The following NKAIN3 variants were observed in gnomAD, a reference collection of about 807,000 sequenced individuals.
The protein encoded by NKAIN3 is sodium/potassium-transporting ATPase subunit beta-1-interacting protein 3.
A neutral mutation model predicts 30.2 loss-of-function variants in NKAIN3; 25 were observed. The observed-to-expected ratio is 0.83, with a 90% CI of 0.60 to 1.16. The LOEUF is 1.16. NKAIN3 is among the 50% of genes most tolerant of loss of function. The pLI is 0.00. For synonymous variants in NKAIN3, 91 were observed against 89.6 expected, an observed-to-expected ratio of 1.02 and a Z score of -0.09; for missense variants, 225 against 254.1, an observed-to-expected ratio of 0.89 and a Z score of 0.78.
chr8:62,562,485 G>A (rs189321851), intron 1 of NKAIN3, among the ~76,000 whole-genome samples: 60 of 152,196 alleles, frequency 3.9e-4, no homozygotes, highest in African/African-American at 1.2e-3. Context: ...TACAACCAAG[G>A]ACACATTCTA....
chr8:62,279,301 A>G lies in NKAIN3; in HGVS notation c.54+30174A>G, dbSNP rs186633043. Among the ~76,000 whole-genome samples the G allele has an allele frequency of 6.7e-3, 1,015 of 152,010 alleles. 6 individuals are homozygous for G. The highest frequency in any genetic ancestry group is 0.023 in the African/African-American group (959 of 41,460). ...TTTTTCAGGTGAGTAGATTGCAAAA[A>G]TTTTCTCCCATTCTGTAGGTTGCCT... is the stretch of plus-strand genomic sequence containing the variant. On this transcript the variant is annotated intron_variant, in intron 1 of 6. Coordinates refer to ENST00000623646, the MANE Select transcript of NKAIN3 (RefSeq NM_001304533.3).
At chr8:62,425,711 T>A (rs1201367811) in intron 1 of NKAIN3, among the ~76,000 whole-genome samples, 1 of 151,104 alleles carries the variant, frequency 6.6e-6, no homozygotes, top group African/African-American at 2.5e-5. Flanking sequence ...CTAGAAAAAT[T>A]ATTTTTTAAA....
At chr8:62,533,233 C>A (rs919377947) in intron 1 of NKAIN3, among the ~76,000 whole-genome samples, 4 of 152,076 alleles carry the variant, frequency 2.6e-5, no homozygotes, top group African/African-American at 9.7e-5. Context: ...TGAGTAAGCA[C>A]CCTGTTAAAG....
At position 62,914,012 on chromosome 8, in the gene NKAIN3, T is replaced by G. The variant is rs144101283; in HGVS notation, c.472-4441T>G. On this transcript the variant is annotated intron_variant, in intron 4 of 6. Transcript: ENST00000623646. The stretch of plus-strand genomic sequence containing the variant: ...TACTGGGTATATACCCAAAGGAATA[T>G]AAATCACTCTATTATAAAGAGACAT... Among the ~76,000 whole-genome samples, 538 of 152,244 alleles carry G rather than the reference T, an allele frequency of 3.5e-3. 4 individuals are homozygous for G. Among genetic ancestry groups the G allele is most frequent in the African/African-American group, 0.013 (520 of 41,544 alleles).
intron 4 of NKAIN3, among the ~76,000 whole-genome samples, chr8:62,763,381 C>A (rs891661680): frequency 6.6e-6 from 1 of 151,696 alleles, no homozygotes; most frequent in Non-Finnish European, 1.5e-5. Context: ...TGGCTTAAAG[C>A]AATTAGTGTG....
At chr8:62,831,223 A>T (rs1819188348) in intron 4 of NKAIN3, among the ~76,000 whole-genome samples, 1 of 152,098 alleles carries the variant, frequency 6.6e-6, no homozygotes, top group Non-Finnish European at 1.5e-5. Flanking sequence ...GGAAAATGAA[A>T]AAATAAATAA....
intron 1 of NKAIN3, among the ~76,000 whole-genome samples, chr8:62,488,606 C>T (rs1024319906): frequency 6.6e-6 from 1 of 152,082 alleles, no homozygotes; most frequent in African/African-American, 2.4e-5. Flanking sequence ...TAATGTGAGT[C>T]CTGTTGCCCT....
chr8:62,494,417 G>A (rs1807169785), intron 1 of NKAIN3, among the ~76,000 whole-genome samples: 1 of 152,056 alleles, frequency 6.6e-6, no homozygotes, highest in Non-Finnish European at 1.5e-5. Context: ...GCTGGATTTG[G>A]TCTGCAAATA....
chr8:62,833,082 C>T (rs752304237), intron 4 of NKAIN3, among the ~76,000 whole-genome samples: 7 of 151,788 alleles, frequency 4.6e-5, no homozygotes, highest in East Asian at 1.9e-4. Flanking sequence ...AACTTGCTCC[C>T]GAATAACTTC....
intron 1 of NKAIN3, among the ~76,000 whole-genome samples, chr8:62,533,275 G>T (rs938275212): frequency 5.3e-5 from 8 of 152,168 alleles, no homozygotes; most frequent in Non-Finnish European, 1.0e-4. Context: ...CATGTAAAAA[G>T]ATGGAATTTT....
At chr8:62,313,710 A>G (rs1052053621) in intron 1 of NKAIN3, among the ~76,000 whole-genome samples, 5 of 152,186 alleles carry the variant, frequency 3.3e-5, no homozygotes, top group African/African-American at 7.2e-5. Flanking sequence ...CAAAAGACAT[A>G]TAAGAGTCCT....
rs1281586792 is a variant in NKAIN3, at chr8:62,625,745, G to A, written c.273+35951G>A. On this transcript the variant is annotated intron_variant, in intron 3 of 6. Transcript: ENST00000623646. ...AGACAGGTGGCAAAGGAGTGAAAGAGTGAGAAGGAATTGGAAATTGCCATT... is the reference window on the plus strand; with the variant it reads ...AGACAGGTGGCAAAGGAGTGAAAGAATGAGAAGGAATTGGAAATTGCCATT... 5.3e-5 allele frequency among the ~76,000 whole-genome samples: 8 copies of A among 152,080 alleles called. No homozygotes were observed. The East Asian group carries it at 1.5e-3, about 29-fold the overall frequency.
chr8:62,489,781 A>G (rs1284681266), intron 1 of NKAIN3, among the ~76,000 whole-genome samples: 1 of 152,218 alleles, frequency 6.6e-6, no homozygotes, highest in East Asian at 1.9e-4. Flanking sequence ...CTTAAGTTCT[A>G]ATATCATCCC....
At chr8:62,554,279 A>T (rs754474417) in intron 1 of NKAIN3, among the ~76,000 whole-genome samples, 4 of 152,208 alleles carry the variant, frequency 2.6e-5, no homozygotes, top group Non-Finnish European at 4.4e-5. Flanking sequence ...AGCTAACAAG[A>T]AACTAACTAG....
intron 1 of NKAIN3, among the ~76,000 whole-genome samples, chr8:62,504,745 A>G (rs1185814614): frequency 6.6e-6 from 1 of 152,172 alleles, no homozygotes; most frequent in Non-Finnish European, 1.5e-5. Flanking sequence ...TGTGTTGCCT[A>G]TAGCACGATG....
rs1382870370 is a variant in NKAIN3, at chr8:62,524,542, T to C, written c.55-54997T>C. ...GCATAGGTCACTTAGAAAATAGCCC[T>C]GGATGGAACCAATTACTCACTTTCA... On this transcript the variant is annotated intron_variant, in intron 1 of 6. Coordinates refer to ENST00000623646, the MANE Select transcript of NKAIN3 (RefSeq NM_001304533.3). Among the ~76,000 whole-genome samples the C allele has an allele frequency of 2.0e-5, 3 of 152,278 alleles. No individual in the cohort carries two copies. In the South Asian group the frequency reaches 6.2e-4, roughly 32 times the overall value.
At chr8:62,609,922 T>G (rs1811239423) in intron 3 of NKAIN3, among the ~76,000 whole-genome samples, 1 of 150,450 alleles carries the variant, frequency 6.6e-6, no homozygotes, top group African/African-American at 2.4e-5. Context: ...TGATTTGGAT[T>G]TGGTCTCAGT....
intron 5 of NKAIN3, among the ~76,000 whole-genome samples, chr8:62,938,209 C>T (rs929992855): frequency 3.9e-5 from 6 of 152,140 alleles, no homozygotes; most frequent in Admixed American, 2.0e-4. Context: ...TCCAGGTGAC[C>T]GTAGGGGAAG....
chr8:62,389,898 G>C (rs772078310), intron 1 of NKAIN3, among the ~76,000 whole-genome samples: 12 of 152,104 alleles, frequency 7.9e-5, no homozygotes, highest in Non-Finnish European at 1.5e-4. Flanking sequence ...CTTTGTTTGT[G>C]TTTGAGAATA....
Sources: allele counts gnomAD v4.1 joint callset (sites outside exome capture counted in the v4.1 genomes callset), GRCh38; gene constraint gnomAD v4.1.1; transcripts MANE v1.5; gene names NCBI Gene and HGNC (gene_info 2026-07-23, HGNC 2026-07-21).